The following PPP2R5A variants were observed in gnomAD, a reference collection of about 807,000 sequenced individuals.
PPP2R5A encodes serine/threonine-protein phosphatase 2A 56 kDa regulatory subunit alpha isoform.
Under a neutral mutation model 64.2 loss-of-function variants are expected in PPP2R5A, and 25 were observed. That is an observed-to-expected ratio of 0.39 (90% CI 0.28 to 0.54). The LOEUF (loss-of-function observed/expected upper bound fraction) is 0.54. Among genes scored for constraint, PPP2R5A ranks in the 20% least tolerant of loss-of-function variants. The pLI is 0.67. For synonymous variants in PPP2R5A, 198 were observed against 201.2 expected (o/e 0.98, Z 0.13); for missense variants, 425 against 576.3 (o/e 0.74, Z 2.69).
At chr1:212,353,637 CTT>C (rs2102448461) in intron 8 of PPP2R5A, among the ~76,000 whole-genome samples, 1 of 152,202 alleles carries the variant, frequency 6.6e-6, no homozygotes, top group African/African-American at 2.4e-5. Context: ...CCAATATAAT[CTT>C]GTTTTAGTTG....
At chr1:212,333,895 C>T (rs1307736432) in intron 3 of PPP2R5A, 2 of 214,258 alleles carry the variant, frequency 9.3e-6, no homozygotes, top group East Asian at 2.0e-4. Flanking sequence ...TTCTATCACC[C>T]CAAATGGAAA....
Position 212,345,870 on chromosome 1 carries a change from T to C in PPP2R5A, c.641T>C (p.Ile214Thr). The change falls in exon 5 of 13, where the codon ATT becomes ACT. Residue 214 changes from isoleucine (I) to threonine (T), a missense_variant. Coordinates refer to ENST00000261461, the MANE Select transcript of PPP2R5A (RefSeq NM_006243.4). ...TTCCTGAAGACTGTTCTGCACCGAATTTATGGGAAATTTCTTGGATTAAGA... is the reference window on the plus strand; with the variant it reads ...TTCCTGAAGACTGTTCTGCACCGAACTTATGGGAAATTTCTTGGATTAAGA... ...RDFLKTVLHR[I>T]YGKFLGLRAF... 1 of 1,612,066 alleles carries C rather than the reference T, an allele frequency of 6.2e-7. No individual in the cohort carries two copies. The highest frequency in any genetic ancestry group is 1.1e-5 in the South Asian group (1 of 90,834).
intron 1 of PPP2R5A, among the ~76,000 whole-genome samples, chr1:212,323,683 G>A (rs1473849431): frequency 6.6e-6 from 1 of 152,180 alleles, no homozygotes; most frequent in Non-Finnish European, 1.5e-5. Context: ...TTTAGGCTAA[G>A]AAATGGATTA....
intron 1 of PPP2R5A, among the ~76,000 whole-genome samples, chr1:212,288,712 T>G (rs1243253214): frequency 6.6e-6 from 1 of 152,174 alleles, no homozygotes; most frequent in Non-Finnish European, 1.5e-5. Context: ...CCAGTGGTAG[T>G]TTTTTCCATT....
intron 1 of PPP2R5A, among the ~76,000 whole-genome samples, chr1:212,307,733 T>C (rs1456755062): frequency 1.3e-5 from 2 of 152,242 alleles, no homozygotes; most frequent in Non-Finnish European, 2.9e-5. Context: ...TTGGTGGTCA[T>C]ATGCTTGAGC....
chr1:212,298,862 G>T (rs1381341303), intron 1 of PPP2R5A, among the ~76,000 whole-genome samples: 30 of 39,178 alleles, frequency 7.7e-4, no homozygotes, highest in Admixed American at 1.9e-3. Context: ...GGACGGGGCG[G>T]CTGGCCAGGC....
intron 1 of PPP2R5A, among the ~76,000 whole-genome samples, chr1:212,322,737 G>A (rs1659330844): frequency 6.7e-6 from 1 of 150,068 alleles, no homozygotes; most frequent in Non-Finnish European, 1.5e-5. Flanking sequence ...AAGCTTTCTT[G>A]CATTTAATTA....
chr1:212,286,675 A>G (rs1009513636), intron 1 of PPP2R5A, among the ~76,000 whole-genome samples: 2 of 151,732 alleles, frequency 1.3e-5, no homozygotes, highest in Non-Finnish European at 2.9e-5. Flanking sequence ...CCCGACCTTC[A>G]CTTTCCCGAG....
rs201880533 is a variant in PPP2R5A at position 212,351,110 on chromosome 1, A to C, written c.927+1868A>C. 1.5e-4 allele frequency among the ~76,000 whole-genome samples: 23 copies of C among 149,294 alleles called. No individual in the cohort carries two copies. The South Asian group carries it at 4.3e-3, about 28-fold the overall frequency. On this transcript the variant is annotated intron_variant, in intron 8 of 12. Transcript: ENST00000261461. ...AGTGAGCCGAGATGACACAAAAAAA[A>C]AAACAAAAAAACAAAAAACCTTGAC...
intron 1 of PPP2R5A, among the ~76,000 whole-genome samples, chr1:212,318,880 A>G (rs965520924): frequency 2.0e-5 from 3 of 152,226 alleles, no homozygotes; most frequent in African/African-American, 7.2e-5. Context: ...CAAATACTAG[A>G]CCATTTTACA....
intron 1 of PPP2R5A, among the ~76,000 whole-genome samples, chr1:212,298,874 G>A (rs1210307931): frequency 7.2e-5 from 3 of 41,678 alleles, no homozygotes; most frequent in African/African-American, 2.4e-4. Context: ...TGGCCAGGCG[G>A]GGGGCTGACC....
intron 12 of PPP2R5A, among the ~76,000 whole-genome samples, chr1:212,359,912 CTCA>C: frequency 6.6e-6 from 1 of 152,246 alleles, no homozygotes; most frequent in Middle Eastern, 3.4e-3. Context: ...TAAGAATATA[CTCA>C]TCATTTCTTA....
Position 212,286,184 on chromosome 1 carries a change from C to G in PPP2R5A, c.74C>G (p.Thr25Ser). The part of the protein sequence containing the change: ...ISASEKVDGF[T>S]RKSVRKAQRQ... Reference sequence around the variant, plus strand: ...GCCTCGGAGAAAGTGGACGGCTTCACCCGGAAATCGGTCCGCAAGGCGCAG... The same window carrying G: ...GCCTCGGAGAAAGTGGACGGCTTCAGCCGGAAATCGGTCCGCAAGGCGCAG... Residue 25 changes from threonine to serine, a missense_variant, in exon 1 of 13, where the codon ACC becomes AGC. Transcript: ENST00000261461. 6.3e-7 allele frequency: 1 copy of G among 1,590,336 alleles called. No homozygotes were observed. Among genetic ancestry groups the G allele is most frequent in the Admixed American group, 1.7e-5 (1 of 57,662 alleles).
chr1:212,317,247 T>TG lies in PPP2R5A; in HGVS notation c.182-11882dup, dbSNP rs565995485. On this transcript the variant is annotated intron_variant, in intron 1 of 12. Coordinates refer to ENST00000261461, the MANE Select transcript of PPP2R5A (RefSeq NM_006243.4). ...GTGGGTTTTTATCTCTTTTTTTTGG[T>TG]GGGGGGTCTACTCTCATTTTAGAGG... Among the ~76,000 whole-genome samples, 26 of 152,254 alleles carry TG rather than the reference T, an allele frequency of 1.7e-4. No homozygotes were observed. In the South Asian group the frequency reaches 3.9e-3, roughly 23 times the overall value.
At chr1:212,306,701 A>G (rs1201938379) in intron 1 of PPP2R5A, 1 of 151,890 alleles carries the variant, frequency 6.6e-6, no homozygotes, top group Non-Finnish European at 1.5e-5. Flanking sequence ...ATTCAGTTTG[A>G]CAATCTCTAC....
At chr1:212,295,110 A>G (rs1055694664) in intron 1 of PPP2R5A, among the ~76,000 whole-genome samples, 2 of 152,198 alleles carry the variant, frequency 1.3e-5, no homozygotes, top group African/African-American at 4.8e-5. Flanking sequence ...ATGTTGAAGA[A>G]TGGATGTAGG....
intron 1 of PPP2R5A, among the ~76,000 whole-genome samples, chr1:212,316,450 A>C (rs1330067557): frequency 1.3e-5 from 2 of 152,054 alleles, no homozygotes; most frequent in Non-Finnish European, 2.9e-5. Flanking sequence ...CCCTTCCTGA[A>C]CCTCTGTACT....
intron 1 of PPP2R5A, among the ~76,000 whole-genome samples, chr1:212,325,016 G>A (rs1205961943): frequency 4.6e-5 from 7 of 151,990 alleles, no homozygotes; most frequent in Non-Finnish European, 1.0e-4. Context: ...TTTCAGTGCA[G>A]TATCTTATTC....
rs542925230 is a variant in PPP2R5A, at chr1:212,309,356, G to A, written c.182-19779G>A. 24 of 1,516,140 alleles carry A rather than the reference G, an allele frequency of 1.6e-5. 2 individuals are homozygous for A. The South Asian group carries it at 1.8e-4, about 11-fold the overall frequency. The allele number at this position is 1,516,140 out of a possible 1,614,324, so 93.9% of individuals were successfully genotyped here. ...TTCCGAGGATATTTGGGCTGCCTCC[G>A]GAGTCGCAGTGTCTTGGGCCGCCGG... On this transcript the variant is annotated intron_variant, in intron 1 of 12. Transcript: ENST00000261461.
Sources: gnomAD v4.1 joint callset for allele counts (sites outside exome capture counted in the v4.1 genomes callset) on GRCh38, gnomAD v4.1.1 for gene constraint, MANE v1.5 for transcripts, NCBI Gene and HGNC (gene_info 2026-07-23, HGNC 2026-07-21) for gene names.